Variants in NLRX1 observed in about 807,000 individuals in gnomAD.
NLRX1 encodes the protein NOD-like receptor X1.
NLRX1 carries 67 observed loss-of-function variants against 74.2 expected under a neutral mutation model. The observed-to-expected ratio is 0.90, with a 90% CI of 0.74 to 1.11. NLRX1 has a LOEUF of 1.11. Among genes scored for constraint, NLRX1 ranks in the 50% least tolerant of loss-of-function variants. The pLI is 0.00. For synonymous variants in NLRX1, 506 were observed against 559.1 expected, an observed-to-expected ratio of 0.91 and a Z score of 1.34; for missense variants, 1,191 against 1,305.4, an observed-to-expected ratio of 0.91 and a Z score of 1.35.
Position 119,173,204 on chromosome 11 carries a change from C to T in NLRX1, c.229+215C>T, listed in dbSNP as rs1007531798. 1.6e-6 allele frequency: 1 copy of T among 612,166 alleles called. No homozygotes were observed. Among genetic ancestry groups the T allele is most frequent in the Non-Finnish European group, 2.9e-6 (1 of 346,846 alleles). 37.9% of individuals were successfully genotyped at this position (612,166 alleles called of 1,614,324 possible). ...GTACAAAGCGCTAGGAGAGCCATAC[C>T]ATCCCTATGCTCAACAAAGTTGGGT... On this transcript the variant is annotated intron_variant, in intron 4 of 9. Transcript: ENST00000409109. The surrounding 1 kb of genome is among the most constrained non-coding windows in gnomAD (Gnocchi z 4.0).
chr11:119,183,801 T>C lies in NLRX1; in HGVS notation c.*362T>C, dbSNP rs1334948447. ...TGACTGTGTCACCAAGGGGCTCACATCTTATGTCTGCCATGCCAGGGGTGT... is the reference window on the plus strand; with the variant it reads ...TGACTGTGTCACCAAGGGGCTCACACCTTATGTCTGCCATGCCAGGGGTGT... On this transcript the variant is annotated 3_prime_UTR_variant, in exon 10 of 10. Transcript: ENST00000409109. The surrounding 1 kb of genome is among the most constrained non-coding windows in gnomAD (Gnocchi z 5.7). The C allele has an allele frequency of 2.6e-6, 2 of 780,788 alleles. No homozygotes were observed. The highest frequency in any genetic ancestry group is 1.7e-5 in the Admixed American group (1 of 59,036). The allele number at this position is 780,788 out of a possible 1,614,324, so 48.4% of individuals were successfully genotyped here.
chr11:119,183,060 C>G lies in NLRX1; in HGVS notation c.2607-58C>G. On this transcript the variant is annotated intron_variant, in intron 9 of 9. Coordinates refer to ENST00000409109, the MANE Select transcript of NLRX1 (RefSeq NM_001282144.2). This position sits in a 1 kb window ranked among gnomAD's most constrained non-coding sequence, Gnocchi z 5.7. ...CCCCCTGACTTTCCATCCATCTACC[C>G]TCGGGCCCTCCTTCTCAGAGCTCTA... 1 of 1,497,544 alleles carries G rather than the reference C, an allele frequency of 6.7e-7. No individual in the cohort carries two copies. Among genetic ancestry groups the G allele is most frequent in the Middle Eastern group, 1.7e-4 (1 of 5,756 alleles). The allele number at this position is 1,497,544 out of a possible 1,614,324, so 92.8% of individuals were successfully genotyped here.
At position 119,169,275 on chromosome 11, in the gene NLRX1, G is replaced by A. The variant is rs1024797953; in HGVS notation, c.-76G>A. ...GTTTGGGACCCAGTTTGGTGGAGGA[G>A]CTCTGGACCTGTAGGAACACCGCCC... is the stretch of plus-strand genomic sequence containing the variant. On this transcript the variant is annotated 5_prime_UTR_variant, in exon 1 of 10. Coordinates refer to ENST00000409109, the MANE Select transcript of NLRX1 (RefSeq NM_001282144.2). The A allele has an allele frequency of 8.5e-5, 13 of 152,640 alleles. No individual in the cohort carries two copies. The highest frequency in any genetic ancestry group is 5.9e-4 in the Admixed American group (9 of 15,306). The allele number at this position is 152,640 out of a possible 1,614,324, so 9.5% of individuals were successfully genotyped here. A position where few individuals can be genotyped will look rare whatever the true frequency, so the allele number is the denominator to read the frequency against.
At chr11:119,181,886 C>T (rs967585812) in intron 8 of NLRX1, among the ~76,000 whole-genome samples, 1 of 152,140 alleles carries the variant, frequency 6.6e-6, no homozygotes, top group Non-Finnish European at 1.5e-5. Context: ...ACTCCTCTGC[C>T]AGGCGCCACA....
intron 7 of NLRX1, 22 bp downstream of exon 7, chr11:119,180,310 C>A: frequency 1.3e-6 from 2 of 1,524,224 alleles, no homozygotes. Flanking sequence ...TCCTCATGCA[C>A]AGGCATGAAG....
At position 119,175,289 on chromosome 11, in the gene NLRX1, A is replaced by T; in HGVS notation, c.1671+15A>T. 1 of 1,602,554 alleles carries T rather than the reference A, an allele frequency of 6.2e-7. No homozygotes were observed. Among genetic ancestry groups the T allele is most frequent in the Non-Finnish European group, 8.5e-7 (1 of 1,172,436 alleles). On this transcript the variant is annotated intron_variant, in intron 6 of 9. Coordinates refer to ENST00000409109, the MANE Select transcript of NLRX1 (RefSeq NM_001282144.2). ...ACCTGATCAAGGTAACATCCCGATC[A>T]AGGTAACCCCCCAACCTGCTCCTTC...
At position 119,171,515 on chromosome 11, in the gene NLRX1, C is replaced by T. The variant is rs776553191; in HGVS notation, c.70+42C>T. Reference sequence around the variant, plus strand: ...GGTTTCTGTTTTTACCTCTTTCTTGCTTTCCAGGGTCCACATGATGCCTCC... The same window carrying T: ...GGTTTCTGTTTTTACCTCTTTCTTGTTTTCCAGGGTCCACATGATGCCTCC... On this transcript the variant is annotated intron_variant, in intron 2 of 9. Transcript: ENST00000409109. The T allele has an allele frequency of 2.5e-5, 36 of 1,467,354 alleles. 1 individual carries two copies. The South Asian group carries it at 4.1e-4, about 17-fold the overall frequency. 90.9% of individuals were successfully genotyped at this position (1,467,354 alleles called of 1,614,324 possible).
In NLRX1 at chr11:119,174,506, G is replaced by C. The variant is rs753108039; in HGVS notation, c.903G>C (p.Lys301Asn). The stretch of plus-strand genomic sequence containing the variant: ...CTGCCATTGGCCGTATCCCCAGCAA[G>C]TACGTGGGCCGCTATGGTGAGATCT... The part of the protein sequence containing the change: ...RPSAIGRIPS[K>N]YVGRYGEICG... Residue 301 changes from lysine (K) to asparagine (N), a missense_variant, in exon 6 of 10, where the codon AAG becomes AAC. By Grantham distance (94) the Lys-to-Asn change is moderately conservative. Coordinates refer to ENST00000409109, the MANE Select transcript of NLRX1 (RefSeq NM_001282144.2). 3 of 1,614,218 alleles carry C rather than the reference G, an allele frequency of 1.9e-6. No individual in the cohort carries two copies. In the South Asian group the frequency reaches 3.3e-5, roughly 18 times the overall value.
Position 119,181,167 on chromosome 11 carries a change from C to G in NLRX1, c.2268-4C>G. On this transcript the variant is annotated splice_region_variant and splice_polypyrimidine_tract_variant and intron_variant, in intron 7 of 9. Coordinates refer to ENST00000409109, the MANE Select transcript of NLRX1 (RefSeq NM_001282144.2). ...ACCTCCCCTCTGGCCACCTTCTGCT[C>G]CAGCTTGCAACTCAACAGCCTGGGC... is the stretch of plus-strand genomic sequence containing the variant. The G allele has an allele frequency of 6.2e-7, 1 of 1,613,070 alleles. No homozygotes were observed. Among genetic ancestry groups the G allele is most frequent in the Non-Finnish European group, 8.5e-7 (1 of 1,179,404 alleles).
chr11:119,182,464 C>T (rs1948865419), intron 9 of NLRX1, 119 bp downstream of exon 9: 1 of 1,408,504 alleles, frequency 7.1e-7, no homozygotes, highest in Non-Finnish European at 9.6e-7. Flanking sequence ...GTCCTTTATT[C>T]CTGGTTTCTG....
chr11:119,175,007 C>T lies in NLRX1; in HGVS notation c.1404C>T (p.Ile468=), dbSNP rs779286417. The T allele has an allele frequency of 6.2e-7, 1 of 1,614,164 alleles. No homozygotes were observed. The highest frequency in any genetic ancestry group is 8.5e-7 in the Non-Finnish European group (1 of 1,180,054). ...RTEEEFQLLH[I]FRRDALRFFL... The stretch of plus-strand genomic sequence containing the variant: ...AGGAGGAGTTTCAGCTGCTGCACAT[C>T]TTCCGTCGGGATGCCCTGAGGTTTT... The change falls in exon 6 of 10, where the codon ATC becomes ATT. Residue 468 remains isoleucine (I), a synonymous_variant. Transcript: ENST00000409109.
rs1482699113 is a variant in NLRX1, at chr11:119,183,827, C to G, written c.*388C>G. 1 of 780,824 alleles carries G rather than the reference C, an allele frequency of 1.3e-6. No individual in the cohort carries two copies. The highest frequency in any genetic ancestry group is 2.4e-6 in the Non-Finnish European group (1 of 417,936). The allele number at this position is 780,824 out of a possible 1,614,324, so 48.4% of individuals were successfully genotyped here. A position where few individuals can be genotyped will look rare whatever the true frequency, so the allele number is the denominator to read the frequency against. On this transcript the variant is annotated 3_prime_UTR_variant, in exon 10 of 10. Transcript: ENST00000409109. This position sits in a 1 kb window ranked among gnomAD's most constrained non-coding sequence, Gnocchi z 5.7. Reference sequence around the variant, plus strand: ...CTTATGTCTGCCATGCCAGGGGTGTCGCCATCCAGATGTGTTGGAAGCTTC... The same window carrying G: ...CTTATGTCTGCCATGCCAGGGGTGTGGCCATCCAGATGTGTTGGAAGCTTC...
Position 119,183,351 on chromosome 11 carries a change from C to G in NLRX1, c.2840C>G (p.Thr947Ser). Reference sequence around the variant, plus strand: ...GATCTGGAAGATAGCCGGGGTGCCACCCTTAATCCTTGGCGCAAGGCCCAG... The same window carrying G: ...GATCTGGAAGATAGCCGGGGTGCCAGCCTTAATCCTTGGCGCAAGGCCCAG... ...LRDLEDSRGATLNPWRKAQLL... is the reference protein window; with the variant it reads ...LRDLEDSRGASLNPWRKAQLL... The change falls in exon 10 of 10, where the codon ACC (threonine) becomes AGC (serine). Residue 947 changes from threonine (T) to serine (S), a missense_variant. Transcript: ENST00000409109. The surrounding 1 kb of genome is among the most constrained non-coding windows in gnomAD (Gnocchi z 5.7). 6.2e-7 allele frequency: 1 copy of G among 1,614,244 alleles called. No homozygotes were observed. The highest frequency in any genetic ancestry group is 8.5e-7 in the Non-Finnish European group (1 of 1,180,044).
Position 119,183,057 on chromosome 11 carries a change from A to G in NLRX1, c.2607-61A>G. On this transcript the variant is annotated intron_variant, in intron 9 of 9. Coordinates refer to ENST00000409109, the MANE Select transcript of NLRX1 (RefSeq NM_001282144.2). The surrounding 1 kb of genome is among the most constrained non-coding windows in gnomAD (Gnocchi z 5.7). Reference sequence around the variant, plus strand: ...AGGCCCCCTGACTTTCCATCCATCTACCCTCGGGCCCTCCTTCTCAGAGCT... The same window carrying G: ...AGGCCCCCTGACTTTCCATCCATCTGCCCTCGGGCCCTCCTTCTCAGAGCT... 6.8e-7 allele frequency: 1 copy of G among 1,473,658 alleles called. No individual in the cohort carries two copies. Among genetic ancestry groups the G allele is most frequent in the Non-Finnish European group, 9.2e-7 (1 of 1,084,098 alleles). 91.3% of individuals were successfully genotyped at this position (1,473,658 alleles called of 1,614,324 possible). A position where few individuals can be genotyped will look rare whatever the true frequency, so the allele number is the denominator to read the frequency against.
At chr11:119,182,704 T>C (rs1948870471) in intron 9 of NLRX1, among the ~76,000 whole-genome samples, 1 of 151,984 alleles carries the variant, frequency 6.6e-6, no homozygotes, top group Non-Finnish European at 1.5e-5. Context: ...CTGGCCAACA[T>C]GGTGAAACCC....
At chr11:119,180,934 G>A (rs1948821828) in intron 7 of NLRX1, among the ~76,000 whole-genome samples, 1 of 152,042 alleles carries the variant, frequency 6.6e-6, no homozygotes, top group African/African-American at 2.4e-5. Context: ...CCAGCTACTC[G>A]GGAGGCTGAG....
At chr11:119,172,299 A>C in intron 2 of NLRX1, 57 bp from the exon 3 acceptor site, 1 of 1,348,152 alleles carries the variant, frequency 7.4e-7, no homozygotes, top group Non-Finnish European at 1.1e-6. Flanking sequence ...TGATGTAGAC[A>C]TGGGTTCTGT....
At position 119,174,811 on chromosome 11, in the gene NLRX1, G is replaced by A. The variant is rs145985036; in HGVS notation, c.1208G>A (p.Arg403His). ...ACAAGCATCTATACCAGCTTCCTGC[G>A]CCTCAACTTCAGCGGGGAAACCCTG... ...TLTSIYTSFL[R>H]LNFSGETLDS... is the part of the protein sequence containing the mutation. Residue 403 changes from arginine to histidine, a missense_variant, in exon 6 of 10, where the codon CGC becomes CAC. Transcript: ENST00000409109. 2.5e-4 allele frequency: 398 copies of A among 1,613,950 alleles called. No homozygotes were observed. The African/African-American group carries it at 3.8e-3, about 16-fold the overall frequency.
In NLRX1 at chr11:119,180,268, C is replaced by T; in HGVS notation, c.2247C>T (p.Phe749=). 4 of 1,584,414 alleles carry T rather than the reference C, an allele frequency of 2.5e-6. No individual in the cohort carries two copies. The highest frequency in any genetic ancestry group is 3.5e-6 in the Non-Finnish European group (4 of 1,158,952). Residue 749 remains phenylalanine (F), a synonymous_variant, in exon 7 of 10, where the codon TTC becomes TTT. Coordinates refer to ENST00000409109, the MANE Select transcript of NLRX1 (RefSeq NM_001282144.2). The part of the protein sequence containing the change: ...PAGLRTLLPV[F]LRARKLGLQL... The stretch of plus-strand genomic sequence containing the variant: ...GGCTGCGCACACTCCTGCCTGTCTT[C>T]CTGCGTGCCCGGAAGCTGGGGTGAG...
Sources: gnomAD v4.1 joint callset for allele counts (sites outside exome capture counted in the v4.1 genomes callset) on GRCh38, gnomAD v4.1.1 for gene constraint, Gnocchi (gnomAD v3.1) non-coding constraint, MANE v1.5 for transcripts, NCBI Gene and HGNC (gene_info 2026-07-23, HGNC 2026-07-21) for gene names.